PRKD3: variants seen among roughly 807,000 people sequenced by gnomAD.
The protein encoded by PRKD3 is protein kinase D3, also known as serine/threonine-protein kinase D3.
In PRKD3, 47 loss-of-function variants were observed where a neutral mutation model predicts 99.2. That is an observed-to-expected ratio of 0.47 (90% CI 0.38 to 0.60). PRKD3 has a LOEUF of 0.60. Ranked by LOEUF, PRKD3 falls within the 20% of genes least tolerant of loss-of-function variation. PRKD3 has a pLI of 0.00. For missense variants in PRKD3, 1,019 were observed against 1,088.4 expected, an observed-to-expected ratio of 0.94 and a Z score of 0.90; for synonymous variants, 392 against 355.4, an observed-to-expected ratio of 1.10 and a Z score of -1.16.
intron 5 of PRKD3, 44 bp downstream of exon 5, chr2:37,289,310 CAG>C (rs774670100): frequency 4.0e-5 from 63 of 1,589,872 alleles, no homozygotes; most frequent in Non-Finnish European, 5.3e-5. Context: ...TGTAGAAACA[CAG>C]AGAATAACTA....
At chr2:37,271,527 C>CAGACTGGTAACTGTTTGCGGCCTG (rs1224084434) in intron 12 of PRKD3, among the ~76,000 whole-genome samples, 6 of 152,184 alleles carry the variant, frequency 3.9e-5, no homozygotes, top group Non-Finnish European at 8.8e-5. Context: ...CCCCAGGCCA[C>CAGACTGGTAACTGTTTGCGGCCTG]AGACTGGTAA....
chr2:37,253,399 G>T, intron 18 of PRKD3, 49 bp from the exon 19 acceptor site: 1 of 1,494,792 alleles, frequency 6.7e-7, no homozygotes, highest in African/African-American at 1.4e-5. Flanking sequence ...ACAAAATACT[G>T]TCAACCTGGT....
At chr2:37,264,815 C>G (rs11124571) in intron 14 of PRKD3, among the ~76,000 whole-genome samples, 16,194 of 152,128 alleles carry the variant, frequency 0.11, 1,086 homozygotes, top group African/African-American at 0.19. Context: ...TTTTGATTCA[C>G]TTTCATAAAG....
intron 3 of PRKD3, among the ~76,000 whole-genome samples, chr2:37,292,072 C>G (rs1285159544): frequency 6.6e-6 from 1 of 152,080 alleles, no homozygotes; most frequent in Non-Finnish European, 1.5e-5. Context: ...AGGGAAAGAG[C>G]ATTTTTAATT....
chr2:37,304,196 T>TAAA (rs70949750), intron 2 of PRKD3, among the ~76,000 whole-genome samples: 110 of 93,714 alleles, frequency 1.2e-3, no homozygotes, highest in African/African-American at 1.8e-3. Flanking sequence ...AGGTACTTAC[T>TAAA]AAAAAAAAAA....
At chr2:37,306,735 G>T (rs1469238247) in intron 2 of PRKD3, among the ~76,000 whole-genome samples, 2 of 152,182 alleles carry the variant, frequency 1.3e-5, no homozygotes, top group African/African-American at 4.8e-5. Context: ...ATTGAGCCCA[G>T]GAGGTCAAGG....
chr2:37,262,471 T>C (rs1248411231), intron 14 of PRKD3, among the ~76,000 whole-genome samples: 3 of 152,208 alleles, frequency 2.0e-5, no homozygotes, highest in African/African-American at 4.8e-5. Context: ...TTGCTAATCA[T>C]TTTAAACCCA....
chr2:37,276,768 TGAGG>T (rs1669587754), intron 9 of PRKD3, among the ~76,000 whole-genome samples: 1 of 151,008 alleles, frequency 6.6e-6, no homozygotes, highest in Admixed American at 6.6e-5. Context: ...GTATAAAGTA[TGAGG>T]TGTGTGTATA....
chr2:37,256,692 G>C lies in PRKD3; in HGVS notation c.2383C>G (p.Pro795Ala), dbSNP rs774651444. 3.2e-6 allele frequency: 5 copies of C among 1,551,310 alleles called. No individual in the cohort carries two copies. The highest frequency in any genetic ancestry group is 4.4e-6 in the Non-Finnish European group (5 of 1,140,296). ...QIQNAAFMYP[P>A]NPWREISGEA... Reference sequence around the variant, plus strand: ...CCAGAAATTTCTCTCCATGGATTTGGTGGGTACATAAATGCAGCATTTTGG... The same window carrying C: ...CCAGAAATTTCTCTCCATGGATTTGCTGGGTACATAAATGCAGCATTTTGG... The change falls in exon 17 of 19, where the codon CCA becomes GCA. Residue 795 changes from proline to alanine, a missense_variant. Physicochemically the swap from Pro to Ala is conservative, Grantham distance 27 (BLOSUM62 -1). Around this residue, in one of 3 missense-constraint regions of PRKD3, gnomAD observed 125 missense variants for 120.6 expected, o/e 1.04. Transcript: ENST00000234179.
chr2:37,320,110 T>C (rs1671817998), intron 1 of PRKD3, among the ~76,000 whole-genome samples: 1 of 152,250 alleles, frequency 6.6e-6, no homozygotes, highest in Non-Finnish European at 1.5e-5. Context: ...TGATACTTTA[T>C]TAAATCCTTG....
intron 1 of PRKD3, among the ~76,000 whole-genome samples, chr2:37,319,903 G>A (rs970598441): frequency 2.6e-5 from 4 of 152,270 alleles, no homozygotes; most frequent in African/African-American, 7.2e-5. Context: ...ACTGCAGAGG[G>A]TAGACGAAAA....
chr2:37,290,245 T>C (rs895049615), intron 4 of PRKD3, among the ~76,000 whole-genome samples: 9 of 152,206 alleles, frequency 5.9e-5, no homozygotes, highest in Non-Finnish European at 1.2e-4. Context: ...CTTTTTTTTT[T>C]TGAGACAGAG....
chr2:37,291,038 G>A, intron 3 of PRKD3, 39 bp from the exon 4 acceptor site: 1 of 1,539,468 alleles, frequency 6.5e-7, no homozygotes, highest in African/African-American at 1.4e-5. Context: ...CGTTGTATTT[G>A]TACTGCGATG....
At position 37,290,887 on chromosome 2, in the gene PRKD3, A is replaced by C; in HGVS notation, c.540T>G (p.Arg180=). 1 of 1,605,300 alleles carries C rather than the reference A, an allele frequency of 6.2e-7. No individual in the cohort carries two copies. Among genetic ancestry groups the C allele is most frequent in the Non-Finnish European group, 8.5e-7 (1 of 1,173,090 alleles). ...YCGEMLWGLV[R]QGLKCEGCGL... The stretch of plus-strand genomic sequence containing the variant: ...ACACACCTTCACATTTCAGTCCTTG[A>C]CGTACCAATCCCCAGAGCATCTCAC... Residue 180 remains arginine (R), a synonymous_variant, in exon 4 of 19, where the codon CGT becomes CGG. Transcript: ENST00000234179.
chr2:37,300,923 T>C (rs1053186739), intron 2 of PRKD3, among the ~76,000 whole-genome samples: 9 of 152,250 alleles, frequency 5.9e-5, no homozygotes, highest in East Asian at 3.8e-4. Flanking sequence ...AAGTAATATA[T>C]TGAGTATGTA....
chr2:37,291,053 T>A, intron 3 of PRKD3, 54 bp from the exon 4 acceptor site: 1 of 1,451,616 alleles, frequency 6.9e-7, no homozygotes, highest in Non-Finnish European at 9.3e-7. Flanking sequence ...GCGATGAGAT[T>A]AAGAATGCTC....
At chr2:37,282,468 T>C (rs1669897180) in intron 7 of PRKD3, 74 bp downstream of exon 7, 1 of 969,934 alleles carries the variant, frequency 1.0e-6, no homozygotes, top group African/African-American at 1.6e-5. Flanking sequence ...AAACAGAACC[T>C]TATCCAAAGA....
chr2:37,261,564 T>G (rs1032719110), intron 14 of PRKD3, among the ~76,000 whole-genome samples: 4 of 152,020 alleles, frequency 2.6e-5, no homozygotes, highest in African/African-American at 9.7e-5. Flanking sequence ...GCGGATCACC[T>G]GAGATCGGGA....
chr2:37,309,639 G>T (rs1671328336), intron 2 of PRKD3, among the ~76,000 whole-genome samples: 1 of 152,126 alleles, frequency 6.6e-6, no homozygotes, highest in Non-Finnish European at 1.5e-5. Flanking sequence ...CATGAGGTCA[G>T]GAGATCAAGA....
Sources: allele counts gnomAD v4.1 joint callset (sites outside exome capture counted in the v4.1 genomes callset), GRCh38; gene constraint gnomAD v4.1.1; regional missense constraint gnomAD v4.1.1; transcripts MANE v1.5; gene names NCBI Gene and HGNC (gene_info 2026-07-23, HGNC 2026-07-21).